NAV2: variants seen among roughly 807,000 people sequenced by gnomAD.
NAV2 encodes neuron navigator 2, also known as helicase, APC down-regulated 1.
In NAV2, 54 loss-of-function variants were observed where a neutral mutation model predicts 223.2. The observed-to-expected ratio is 0.24, with a 90% confidence interval of 0.19 to 0.30. The LOEUF (loss-of-function observed/expected upper bound fraction) is 0.30. NAV2 is among the 10% of genes least tolerant of loss of function. NAV2 has a pLI of 1.00. For missense variants in NAV2, 2,806 were observed against 3,147.5 expected, an observed-to-expected ratio of 0.89 and a Z score of 2.60; for synonymous variants, 1,279 against 1,239.3, an observed-to-expected ratio of 1.03 and a Z score of -0.67.
Position 19,880,120 on chromosome 11 carries a change from C to A in NAV2, c.763C>A (p.Gln255Lys). ...GCAGTCAAAAGCACAAGCTGAAATG[C>A]AGTCCAGGTGGGGGCTCCTTGCCAA... ...HQQSKAQAEM[Q>K]SRLPGPTARV... is the part of the protein sequence containing the mutation. Residue 255 changes from glutamine (Q) to lysine (K), a missense_variant, in exon 5 of 38, where the codon CAG (glutamine) becomes AAG (lysine). By Grantham distance (53) the Gln-to-Lys change is moderately conservative (BLOSUM62 1). Coordinates refer to ENST00000349880, the MANE Select transcript of NAV2 (RefSeq NM_145117.5). 1 of 1,589,818 alleles carries A rather than the reference C, an allele frequency of 6.3e-7. No homozygotes were observed. Among genetic ancestry groups the A allele is most frequent in the Non-Finnish European group, 8.6e-7 (1 of 1,166,472 alleles).
At chr11:19,582,837 T>C (rs555749977) in intron 1 of NAV2, among the ~76,000 whole-genome samples, 1 of 152,350 alleles carries the variant, frequency 6.6e-6, no homozygotes, top group Admixed American at 6.5e-5. Context: ...TAGGATTGAC[T>C]TAGGATTGAC....
chr11:19,532,402 AG>A (rs2044052357), intron 1 of NAV2, among the ~76,000 whole-genome samples: 1 of 152,338 alleles, frequency 6.6e-6, no homozygotes, highest in East Asian at 1.9e-4. Context: ...CCAGAAAAAA[AG>A]TCCATCTGTT....
intron 5 of NAV2, among the ~76,000 whole-genome samples, chr11:19,890,776 A>T (rs897229263): frequency 6.6e-6 from 1 of 151,974 alleles, no homozygotes; most frequent in Non-Finnish European, 1.5e-5. Flanking sequence ...CCACTGCTGG[A>T]CCTCCTTGGC....
At chr11:19,465,235 AG>A (rs1416735730) in intron 1 of NAV2, among the ~76,000 whole-genome samples, 4 of 152,174 alleles carry the variant, frequency 2.6e-5, no homozygotes, top group Non-Finnish European at 5.9e-5. Context: ...GTGGATGGGA[AG>A]GGTTCAGGGT....
chr11:19,475,900 C>T (rs2133963529), intron 1 of NAV2, among the ~76,000 whole-genome samples: 1 of 152,370 alleles, frequency 6.6e-6, no homozygotes, highest in South Asian at 2.1e-4. Context: ...CCCCTTGGCT[C>T]CAGGCATTCC....
chr11:19,813,211 C>T, intron 1 of NAV2, among the ~76,000 whole-genome samples: 1 of 152,046 alleles, frequency 6.6e-6, no homozygotes, highest in Middle Eastern at 3.2e-3. Context: ...AAAGATGAGG[C>T]ACATGGAGGC....
At chr11:19,954,442 G>A (rs1207098746) in intron 10 of NAV2, among the ~76,000 whole-genome samples, 1 of 152,088 alleles carries the variant, frequency 6.6e-6, no homozygotes, top group Admixed American at 6.6e-5. Context: ...ATGAGGGATT[G>A]GTTTCAGGAC....
chr11:20,078,748 A>G (rs1273874833), intron 24 of NAV2, among the ~76,000 whole-genome samples: 3 of 152,220 alleles, frequency 2.0e-5, no homozygotes, highest in Admixed American at 2.0e-4. Context: ...ATGAGCCACC[A>G]TGCCCAGCCT....
At chr11:19,879,253 G>C (rs140609856) in intron 4 of NAV2, among the ~76,000 whole-genome samples, 1 of 152,116 alleles carries the variant, frequency 6.6e-6, no homozygotes, top group African/African-American at 2.4e-5. Context: ...ACAAAAATTT[G>C]TTCCCACTCT....
In NAV2 at chr11:19,944,893, TCTTTC is replaced by T. The variant is rs974034038; in HGVS notation, c.2147-1494_2147-1490del. Among the ~76,000 whole-genome samples the T allele has an allele frequency of 6.6e-4, 99 of 149,890 alleles. 1 individual carries two copies. Among genetic ancestry groups the T allele is most frequent in the Middle Eastern group, 6.9e-3 (2 of 290 alleles). ...TCTTTCCTCCTTTCCTTCTTTCCTT[TCTTTC>T]CTTTCCTTTCCTTCTCTTTCTTTCT... On this transcript the variant is annotated intron_variant, in intron 8 of 37. Transcript: ENST00000349880.
At chr11:19,625,157 C>T (rs1005091685) in intron 1 of NAV2, among the ~76,000 whole-genome samples, 3 of 152,146 alleles carry the variant, frequency 2.0e-5, no homozygotes, top group South Asian at 2.1e-4. Flanking sequence ...GAACACTAGA[C>T]TTTATTTTTC....
At chr11:19,636,637 T>A (rs2047510833) in intron 1 of NAV2, among the ~76,000 whole-genome samples, 1 of 151,564 alleles carries the variant, frequency 6.6e-6, no homozygotes, top group South Asian at 2.1e-4. Context: ...ACTACAGGAG[T>A]ATTTTTGTAT....
chr11:19,492,281 TAA>T (rs949590214), intron 1 of NAV2, among the ~76,000 whole-genome samples: 1 of 143,752 alleles, frequency 7.0e-6, no homozygotes, highest in African/African-American at 2.5e-5. Context: ...TCAATTTGTT[TAA>T]AAAAAAAAAA....
At chr11:19,560,920 G>C (rs921058315) in intron 1 of NAV2, among the ~76,000 whole-genome samples, 3 of 152,196 alleles carry the variant, frequency 2.0e-5, no homozygotes, top group Non-Finnish European at 2.9e-5. Context: ...AATTGAACAG[G>C]CTTCTTTCTT....
At chr11:20,089,075 G>A (rs1206070317) in intron 26 of NAV2, among the ~76,000 whole-genome samples, 1 of 151,810 alleles carries the variant, frequency 6.6e-6, no homozygotes, top group Admixed American at 6.6e-5. Context: ...AGTACAGAGA[G>A]CTGAGAAAGA....
intron 11 of NAV2, among the ~76,000 whole-genome samples, chr11:20,035,279 G>A (rs373741527): frequency 6.6e-6 from 1 of 152,266 alleles, no homozygotes; most frequent in African/African-American, 2.4e-5. Flanking sequence ...AAACGTGGTG[G>A]TGGTATTGGC....
At position 19,351,976 on chromosome 11, in the gene NAV2, A is replaced by AGTGTGTGTGT. The variant is rs59544307; in HGVS notation, c.75+970_75+979dup. 8.8e-4 allele frequency among the ~76,000 whole-genome samples: 128 copies of AGTGTGTGTGT among 145,682 alleles called. 1 individual carries two copies. Among genetic ancestry groups the AGTGTGTGTGT allele is most frequent in the African/African-American group, 2.9e-3 (113 of 39,448 alleles). On this transcript the variant is annotated intron_variant, in intron 1 of 37. Transcript: ENST00000360655. Reference sequence around the variant, plus strand: ...ATGATTTTATGTGGCTCTCTCTGTGAGTGTGTGTGTGTGTGTGTGTGTGTG... The same window carrying AGTGTGTGTGT: ...ATGATTTTATGTGGCTCTCTCTGTGAGTGTGTGTGTGTGTGTGTGTGTGTGTGTGTGTGTG...
intron 1 of NAV2, among the ~76,000 whole-genome samples, chr11:19,620,287 T>C (rs980497983): frequency 6.6e-6 from 1 of 152,208 alleles, no homozygotes; most frequent in Non-Finnish European, 1.5e-5. Flanking sequence ...TTTTTTCCAA[T>C]TCTGTGAAAA....
At chr11:19,919,370 A>T (rs716172) in intron 6 of NAV2, among the ~76,000 whole-genome samples, 85,498 of 151,316 alleles carry the variant, frequency 0.57, 24,559 homozygotes, top group South Asian at 0.72. Flanking sequence ...TTGAGCCTTA[A>T]GGAAACAGAG....
Sources: allele counts gnomAD v4.1 joint callset (sites outside exome capture counted in the v4.1 genomes callset), GRCh38; gene constraint gnomAD v4.1.1; transcripts MANE v1.5; gene names NCBI Gene and HGNC (gene_info 2026-07-23, HGNC 2026-07-21).